Variants in WDR25 observed in about 807,000 individuals in gnomAD.
WDR25 encodes the protein WD repeat domain 25.
WDR25 carries 35 observed loss-of-function variants against 47.7 expected under a neutral mutation model. That is an observed-to-expected ratio of 0.73 (90% CI 0.56 to 0.97). The LOEUF (loss-of-function observed/expected upper bound fraction) is 0.97. Among genes scored for constraint, WDR25 ranks in the 50% least tolerant of loss-of-function variants. The pLI is 0.00. For synonymous variants in WDR25, 248 were observed against 278.9 expected (o/e 0.89, Z 1.10); for missense variants, 634 against 704.7 (o/e 0.90, Z 1.14).
chr14:100,406,387 G>T (rs1304911662), intron 2 of WDR25, among the ~76,000 whole-genome samples: 1 of 152,210 alleles, frequency 6.6e-6, no homozygotes, highest in East Asian at 1.9e-4. Context: ...TGTGTGCCAG[G>T]ATCTTCACAC....
intron 2 of WDR25, among the ~76,000 whole-genome samples, chr14:100,453,376 G>A (rs1899102276): frequency 6.6e-6 from 1 of 152,176 alleles, no homozygotes; most frequent in South Asian, 2.1e-4. Flanking sequence ...CTATGCTTCA[G>A]TTTCCTCATC....
rs1267074781 is a variant in WDR25 at position 100,445,493 on chromosome 14, T to C, written c.823-22528T>C. On this transcript the variant is annotated intron_variant, in intron 2 of 6. Transcript: ENST00000402312. ...AACTCACACCAAGGGTTTCAAAACA[T>C]CCTTTTGTAAAGGTGAAAAGAAGAC... Among the ~76,000 whole-genome samples the C allele has an allele frequency of 2.0e-5, 3 of 152,242 alleles. No individual in the cohort carries two copies. In the East Asian group the frequency reaches 5.8e-4, roughly 29 times the overall value.
At chr14:100,398,281 A>G (rs1897304073) in intron 2 of WDR25, among the ~76,000 whole-genome samples, 1 of 152,222 alleles carries the variant, frequency 6.6e-6, no homozygotes, top group Non-Finnish European at 1.5e-5. Context: ...TTCAGAGGGA[A>G]GGGACACTGC....
At chr14:100,515,655 G>A (rs1901465516) in intron 4 of WDR25, among the ~76,000 whole-genome samples, 1 of 151,948 alleles carries the variant, frequency 6.6e-6, no homozygotes, top group Non-Finnish European at 1.5e-5. Flanking sequence ...TTGAGACTGA[G>A]TCTCACTCTG....
chr14:100,471,600 C>T (rs1345198265), intron 3 of WDR25, among the ~76,000 whole-genome samples: 2 of 152,198 alleles, frequency 1.3e-5, no homozygotes, highest in African/African-American at 4.8e-5. Flanking sequence ...AATTAGGGCT[C>T]CCTGCCAGGA....
At chr14:100,475,041 G>C (rs1164467085) in intron 3 of WDR25, among the ~76,000 whole-genome samples, 1 of 152,194 alleles carries the variant, frequency 6.6e-6, no homozygotes, top group East Asian at 1.9e-4. Context: ...TAGAAAAAAT[G>C]CTCAACATCT....
intron 2 of WDR25, chr14:100,454,513 T>C (rs1899139355): frequency 5.1e-6 from 6 of 1,174,688 alleles, no homozygotes; most frequent in Non-Finnish European, 6.8e-6. Context: ...AACTATAAAC[T>C]GTACAACAGC....
At chr14:100,434,848 G>T (rs975961514) in intron 2 of WDR25, among the ~76,000 whole-genome samples, 6 of 151,966 alleles carry the variant, frequency 3.9e-5, no homozygotes, top group African/African-American at 1.2e-4. Flanking sequence ...TTCTTATTCC[G>T]CTCTTTTTCT....
In WDR25 at chr14:100,414,527, G is replaced by A. The variant is rs1052742198; in HGVS notation, c.822+32781G>A. Among the ~76,000 whole-genome samples, 21 of 150,556 alleles carry A rather than the reference G, an allele frequency of 1.4e-4. 1 individual carries two copies. Among genetic ancestry groups the A allele is most frequent in the Admixed American group, 4.0e-4 (6 of 15,128 alleles). On this transcript the variant is annotated intron_variant, in intron 2 of 6. Transcript: ENST00000402312. ...AGGGTTTCCCCATGTTGGCCAGGCTGGTCTCGAACTCCTGACCTCAGGTAA... is the reference window on the plus strand; with the variant it reads ...AGGGTTTCCCCATGTTGGCCAGGCTAGTCTCGAACTCCTGACCTCAGGTAA...
At chr14:100,450,532 C>G (rs1348540644) in intron 2 of WDR25, among the ~76,000 whole-genome samples, 1 of 152,222 alleles carries the variant, frequency 6.6e-6, no homozygotes, top group Non-Finnish European at 1.5e-5. Flanking sequence ...AGATAGCAGA[C>G]TGGCATAAAT....
chr14:100,407,577 CT>C lies in WDR25; in HGVS notation c.822+25832del, dbSNP rs1056619551. On this transcript the variant is annotated intron_variant, in intron 2 of 6. Transcript: ENST00000402312. The surrounding 1 kb of genome is among the most constrained non-coding windows in gnomAD (Gnocchi z 4.1). ...GGAAGCCGGTGCGTTTCCAGGGGAG[CT>C]GCTGGAGGCTTCTTATGGCATGCAG... 2 of 152,238 alleles carry C rather than the reference CT, an allele frequency of 1.3e-5. No individual in the cohort carries two copies. The highest frequency in any genetic ancestry group is 4.8e-5 in the African/African-American group (2 of 41,402). 9.4% of individuals were successfully genotyped at this position (152,238 alleles called of 1,614,324 possible).
At chr14:100,519,813 T>TA (rs964728019) in intron 4 of WDR25, among the ~76,000 whole-genome samples, 74 of 140,570 alleles carry the variant, frequency 5.3e-4, no homozygotes, top group African/African-American at 1.9e-3. Context: ...TATGTATATA[T>TA]GTATACTATA....
chr14:100,468,210 C>G lies in WDR25; in HGVS notation c.970+42C>G, dbSNP rs772034827. ...ACCTCCCTGAGGTGAGCTGGCAGCT[C>G]TCTCCCTGGGGAAGGTTCTCTGGTG... On this transcript the variant is annotated intron_variant, in intron 3 of 6. Coordinates refer to ENST00000402312, the MANE Select transcript of WDR25 (RefSeq NM_001161476.3). The surrounding 1 kb of genome is among the most constrained non-coding windows in gnomAD (Gnocchi z 4.5). The G allele has an allele frequency of 6.9e-6, 11 of 1,588,606 alleles. No homozygotes were observed. The South Asian group carries it at 1.1e-4, about 16-fold the overall frequency.
chr14:100,426,394 A>G (rs529048307), intron 2 of WDR25, among the ~76,000 whole-genome samples: 29 of 152,358 alleles, frequency 1.9e-4, no homozygotes, highest in South Asian at 1.9e-3. Flanking sequence ...TCTGTTTGAC[A>G]ACAAGTTATA....
intron 2 of WDR25, among the ~76,000 whole-genome samples, chr14:100,451,465 C>A (rs1446255335): frequency 6.6e-6 from 1 of 152,318 alleles, no homozygotes; most frequent in East Asian, 1.9e-4. Context: ...AACGATCTGC[C>A]CGCCTCAGCC....
chr14:100,517,656 C>A (rs1303528438), intron 4 of WDR25, among the ~76,000 whole-genome samples: 1 of 152,094 alleles, frequency 6.6e-6, no homozygotes, highest in Non-Finnish European at 1.5e-5. Context: ...GCAGCCTGAC[C>A]AACATGGAGA....
In WDR25 at chr14:100,500,856, A is replaced by G. The variant is rs1488000557; in HGVS notation, c.1101+16732A>G. Among the ~76,000 whole-genome samples the G allele has an allele frequency of 1.3e-5, 2 of 151,904 alleles. No individual in the cohort carries two copies. Among genetic ancestry groups the G allele is most frequent in the African/African-American group, 4.8e-5 (2 of 41,318 alleles). On this transcript the variant is annotated intron_variant, in intron 4 of 6. Coordinates refer to ENST00000402312, the MANE Select transcript of WDR25 (RefSeq NM_001161476.3). The surrounding 1 kb of genome is among the most constrained non-coding windows in gnomAD (Gnocchi z 4.7). ...CTCCGCTATAAAGTAAGGGAAACCAATTTTTCACTTGAGAGGATCAACACA... is the reference window on the plus strand; with the variant it reads ...CTCCGCTATAAAGTAAGGGAAACCAGTTTTTCACTTGAGAGGATCAACACA...
chr14:100,406,292 G>C lies in WDR25; in HGVS notation c.822+24546G>C, dbSNP rs1595506485. Among the ~76,000 whole-genome samples the C allele has an allele frequency of 2.6e-5, 4 of 152,300 alleles. No homozygotes were observed. In the South Asian group the frequency reaches 8.3e-4, roughly 32 times the overall value. Reference sequence around the variant, plus strand: ...CTGAGGAGCATAGGCAGGTGTGTTTGCCATTCTTATGTACTCAGGAGGGGT... The same window carrying C: ...CTGAGGAGCATAGGCAGGTGTGTTTCCCATTCTTATGTACTCAGGAGGGGT... On this transcript the variant is annotated intron_variant, in intron 2 of 6. Coordinates refer to ENST00000402312, the MANE Select transcript of WDR25 (RefSeq NM_001161476.3).
At chr14:100,489,613 C>A (rs1308936310) in intron 4 of WDR25, among the ~76,000 whole-genome samples, 1 of 152,202 alleles carries the variant, frequency 6.6e-6, no homozygotes, top group East Asian at 1.9e-4. Context: ...AGATTGAACA[C>A]TGGAAATTGG....
Sources: gnomAD v4.1 joint callset for allele counts (sites outside exome capture counted in the v4.1 genomes callset) on GRCh38, gnomAD v4.1.1 for gene constraint, Gnocchi (gnomAD v3.1) non-coding constraint, MANE v1.5 for transcripts, NCBI Gene and HGNC (gene_info 2026-07-23, HGNC 2026-07-21) for gene names.